The following CFAP70 variants were observed in gnomAD, a reference collection of about 807,000 sequenced individuals.
The protein encoded by CFAP70 is cilia and flagella associated protein 70, also known as cilia- and flagella-associated protein 70.
Under a neutral mutation model 137.6 loss-of-function variants are expected in CFAP70, and 81 were observed. The observed-to-expected ratio is 0.59, with a 90% confidence interval of 0.49 to 0.71. The LOEUF is 0.71. CFAP70 is among the 30% of genes least tolerant of loss of function. The pLI is 0.00. For missense variants in CFAP70, 976 were observed against 1,226.7 expected (o/e 0.80, Z 3.05); for synonymous variants, 382 against 423.6 (o/e 0.90, Z 1.20).
chr10:73,279,307 G>A (rs1321285249), intron 19 of CFAP70: 1 of 151,748 alleles, frequency 6.6e-6, no homozygotes, highest in Admixed American at 6.6e-5. Context: ...GGCAGATCAT[G>A]AGGTCAGGAG....
chr10:73,332,341 A>G (rs1225796629), intron 7 of CFAP70, among the ~76,000 whole-genome samples: 1 of 152,182 alleles, frequency 6.6e-6, no homozygotes, highest in Non-Finnish European at 1.5e-5. Flanking sequence ...TATTTCAGGC[A>G]GGGAGAGAAG....
In CFAP70 at chr10:73,317,464, G is replaced by A. The variant is rs575251036; in HGVS notation, c.913-4821C>T. Among the ~76,000 whole-genome samples, 3 of 152,250 alleles carry A rather than the reference G, an allele frequency of 2.0e-5. No individual in the cohort carries two copies. In the East Asian group the frequency reaches 5.8e-4, roughly 29 times the overall value. On this transcript the variant is annotated intron_variant, in intron 9 of 26. Transcript: ENST00000310715. ...ATTGATTCTCCCCTGTAAGTGATGA[G>A]TTGTTTTTCTCCTGTTGCATTCGTG... is the stretch of plus-strand genomic sequence containing the variant.
chr10:73,311,410 T>C (rs2049912226), intron 11 of CFAP70, among the ~76,000 whole-genome samples: 1 of 152,174 alleles, frequency 6.6e-6, no homozygotes, highest in Admixed American at 6.5e-5. Flanking sequence ...TCCTAATATT[T>C]GTCTCCTCAG....
chr10:73,355,539 A>G (rs189059348), intron 1 of CFAP70, among the ~76,000 whole-genome samples: 397 of 152,264 alleles, frequency 2.6e-3, no homozygotes, highest in African/African-American at 8.5e-3. Context: ...AACACTTTGG[A>G]AGGCGAGGCG....
intron 25 of CFAP70, among the ~76,000 whole-genome samples, chr10:73,266,253 A>G (rs988724911): frequency 1.3e-5 from 2 of 152,188 alleles, no homozygotes; most frequent in Non-Finnish European, 2.9e-5. Flanking sequence ...CAAAAGTCAA[A>G]AGGATATAAT....
intron 8 of CFAP70, among the ~76,000 whole-genome samples, chr10:73,327,750 A>G (rs1297591658): frequency 6.6e-6 from 1 of 152,134 alleles, no homozygotes; most frequent in African/African-American, 2.4e-5. Context: ...TGCTTCAAAG[A>G]GAATAAAATA....
At chr10:73,351,425 TTTTG>T (rs545826587) in intron 3 of CFAP70, among the ~76,000 whole-genome samples, 57 of 151,402 alleles carry the variant, frequency 3.8e-4, no homozygotes, top group South Asian at 3.1e-3. Flanking sequence ...GTCATTGTTT[TTTTG>T]TTTGTTTTTG....
At chr10:73,280,349 G>T (rs1280927358) in intron 19 of CFAP70, among the ~76,000 whole-genome samples, 1 of 152,066 alleles carries the variant, frequency 6.6e-6, no homozygotes, top group African/African-American at 2.4e-5. Context: ...AATAAGTATT[G>T]TGTCTAGGCT....
intron 3 of CFAP70, among the ~76,000 whole-genome samples, chr10:73,351,011 G>GTGTGTATATGTGTGTA (rs1564889233): frequency 1.6e-3 from 235 of 144,902 alleles, no homozygotes; most frequent in African/African-American, 5.7e-3. Flanking sequence ...ATGTGTGTAT[G>GTGTGTATATGTGTGTA]TGTGTGTATA....
intron 15 of CFAP70, 51 bp from the exon 17 acceptor site, chr10:73,293,439 G>C: frequency 6.7e-7 from 1 of 1,497,272 alleles, no homozygotes; most frequent in African/African-American, 1.4e-5. Flanking sequence ...ATTACAAGTA[G>C]AGAGGTTTCA....
intron 19 of CFAP70, among the ~76,000 whole-genome samples, chr10:73,284,126 C>A (rs920638821): frequency 1.3e-5 from 2 of 152,198 alleles, no homozygotes; most frequent in Admixed American, 6.5e-5. Context: ...AGGGCTAGCT[C>A]CTTCTGGAGG....
upstream of CFAP70, among the ~76,000 whole-genome samples, chr10:73,359,367 T>C (rs563400475): frequency 1.2e-4 from 19 of 152,312 alleles, no homozygotes; most frequent in Admixed American, 7.8e-4. Flanking sequence ...AATGGCATAT[T>C]ACAAGCAGTC....
chr10:73,359,161 C>T (rs541725600), upstream of CFAP70, among the ~76,000 whole-genome samples: 76 of 152,236 alleles, frequency 5.0e-4, no homozygotes, highest in Non-Finnish European at 3.5e-4. Context: ...TGCAAAATGA[C>T]CCTGCTTCTA....
chr10:73,271,690 ATCTATTTGTCTATTTATT>A (rs1255217771), intron 24 of CFAP70, among the ~76,000 whole-genome samples: 6 of 152,030 alleles, frequency 3.9e-5, no homozygotes, highest in Non-Finnish European at 7.4e-5. Flanking sequence ...CATATTTTGT[ATCTATTTGTCTATTTATT>A]TTTAGAGGTG....
At chr10:73,318,757 C>T (rs796828510) in intron 9 of CFAP70, among the ~76,000 whole-genome samples, 25 of 152,242 alleles carry the variant, frequency 1.6e-4, no homozygotes, top group African/African-American at 5.3e-4. Flanking sequence ...ACACTGTTTC[C>T]CTCAGATTCA....
Position 73,353,759 on chromosome 10 carries a change from AC to A in CFAP70, c.64-18del. 1 of 1,610,072 alleles carries A rather than the reference AC, an allele frequency of 6.2e-7. No individual in the cohort carries two copies. The highest frequency in any genetic ancestry group is 2.2e-5 in the East Asian group (1 of 44,784). ...AAAACCTTTCTGTTGGCAGAAACAC[AC>A]CACTTTACAATTATATTCAAATAGA... On this transcript the variant is annotated intron_variant, in intron 2 of 26. Transcript: ENST00000310715.
At chr10:73,255,276 G>C (rs1272965074) in intron 26 of CFAP70, among the ~76,000 whole-genome samples, 1 of 152,094 alleles carries the variant, frequency 6.6e-6, no homozygotes, top group Non-Finnish European at 1.5e-5. Flanking sequence ...GGCGGCTGTA[G>C]TCCCAGCTAC....
chr10:73,307,301 CA>C (rs890275083), intron 12 of CFAP70, among the ~76,000 whole-genome samples: 8 of 149,938 alleles, frequency 5.3e-5, no homozygotes, highest in Non-Finnish European at 1.0e-4. Flanking sequence ...AACTGAAGAA[CA>C]AAAAAAAATA....
chr10:73,255,471 C>G (rs1476106981), intron 26 of CFAP70, among the ~76,000 whole-genome samples: 2 of 152,160 alleles, frequency 1.3e-5, no homozygotes, highest in South Asian at 4.1e-4. Flanking sequence ...ACAAGAATCA[C>G]TTGAACCGGG....
Sources: allele counts gnomAD v4.1 joint callset (sites outside exome capture counted in the v4.1 genomes callset), GRCh38; gene constraint gnomAD v4.1.1; transcripts MANE v1.5; gene names NCBI Gene and HGNC (gene_info 2026-07-23, HGNC 2026-07-21).